The following PHF8 variants were observed in gnomAD, a reference collection of about 807,000 sequenced individuals.
PHF8 encodes the protein histone lysine demethylase PHF8.
In PHF8, 9 loss-of-function variants were observed where a neutral mutation model predicts 74.4. The observed-to-expected ratio is 0.12, with a 90% CI of 0.07 to 0.21. The LOEUF (loss-of-function observed/expected upper bound fraction) is 0.21, where lower values mean the gene tolerates loss of function less well. PHF8 is among the 10% of genes least tolerant of loss of function. PHF8 has a pLI of 1.00. For missense variants in PHF8, 478 were observed against 816.6 expected (o/e 0.59, Z 5.05); for synonymous variants, 311 against 316.6 (o/e 0.98, Z 0.19).
At chrX:53,955,557 C>CTTTTTTTTTTTTT (rs369969712) in intron 19 of PHF8, among the ~76,000 whole-genome samples, 9 of 72,966 alleles carry the variant, frequency 1.2e-4, no homozygotes, top group Non-Finnish European at 1.5e-4. Context: ...CTCTTCTTTT[C>CTTTTTTTTTTTTT]TTTTTTTTTT....
At chrX:53,977,340 CAAAGA>C (rs782630815) in intron 18 of PHF8, among the ~76,000 whole-genome samples, 2,085 of 111,748 alleles carry the variant, frequency 0.019, 54 homozygotes, top group African/African-American at 0.065. Context: ...CTCAAAAAAA[CAAAGA>C]AAAGAAAACA....
intron 14 of PHF8, among the ~76,000 whole-genome samples, chrX:53,991,246 GTAAA>G (rs2065655454): frequency 8.9e-6 from 1 of 112,198 alleles, no homozygotes. Context: ...TTAAAGAAAA[GTAAA>G]TAAATATTTA....
In PHF8 at chrX:53,973,203, G is replaced by A. The variant is rs782545424; in HGVS notation, c.2444-10264C>T. 1.5e-4 allele frequency among the ~76,000 whole-genome samples: 17 copies of A among 112,029 alleles called. No homozygotes were observed. In the South Asian group the frequency reaches 2.2e-3, roughly 15 times the overall value. The stretch of plus-strand genomic sequence containing the variant: ...CTCCTGGACAGAAAGAATCAATATC[G>A]TGAAAATGGCCATGCTGCCCAAAGT... On this transcript the variant is annotated intron_variant, in intron 18 of 21. Transcript: ENST00000338154.
chrX:53,967,157 G>A (rs1179076161), intron 18 of PHF8, among the ~76,000 whole-genome samples: 4 of 100,790 alleles, frequency 4.0e-5, no homozygotes, highest in Admixed American at 1.1e-4. Flanking sequence ...TCAGCCCCCC[G>A]CCCGGCCAGC....
rs2065706037 is a variant in PHF8 at position 53,993,797 on chromosome X, A to T, written c.1430T>A (p.Val477Glu). The T allele has an allele frequency of 8.3e-7, 1 of 1,208,238 alleles. No homozygotes were observed. The highest frequency in any genetic ancestry group is 1.7e-5 in the African/African-American group (1 of 57,363). The part of the protein sequence containing the change: ...PLTRPAHSTS[V>E]SMSRLSLPSK... The stretch of plus-strand genomic sequence containing the variant: ...GGGCAGTGACAGCCTGGACATGGAC[A>T]CTGAAGTGGAATGGGCTGGCCTGGT... Residue 477 changes from valine (V) to glutamate (E), a missense_variant, in exon 13 of 22, where the codon GTG (valine) becomes GAG (glutamate). Transcript: ENST00000338154.
intron 20 of PHF8, among the ~76,000 whole-genome samples, chrX:53,942,336 TA>T (rs1569523659): frequency 8.9e-6 from 1 of 112,339 alleles, no homozygotes; most frequent in Admixed American, 9.5e-5. Flanking sequence ...CATTTAATCC[TA>T]AAATGAAGTC....
chrX:53,962,747 G>A (rs2065124012), intron 19 of PHF8, 97 bp downstream of exon 19: 16 of 564,227 alleles, frequency 2.8e-5, no homozygotes, highest in Admixed American at 2.3e-4. Context: ...ACAAATGAGT[G>A]ACTGAATCAG....
rs2064711986 is a variant in PHF8, at chrX:53,939,215, T to C, written c.3018A>G (p.Ala1006=). ...TCAGGATACGGCCGAGTCTCTGCTT[T>C]GCTGTGGCCAGGCCCTTTTTGGGAC... ...GKRPKKGLAT[A]KQRLGRILKI... Residue 1006 remains alanine (A), a synonymous_variant, in exon 22 of 22, where the codon GCA becomes GCG. Transcript: ENST00000338154. The C allele has an allele frequency of 8.3e-7, 1 of 1,208,018 alleles. No homozygotes were observed. The highest frequency in any genetic ancestry group is 1.8e-5 in the South Asian group (1 of 56,526).
At chrX:54,003,528 G>A (rs1006112059) in intron 8 of PHF8, among the ~76,000 whole-genome samples, 1 of 111,002 alleles carries the variant, frequency 9.0e-6, no homozygotes, top group African/African-American at 3.3e-5. Flanking sequence ...ATGGTGGCAG[G>A]CACCTGTAAT....
At position 53,938,244 on chromosome X, in the gene PHF8, G is replaced by A. The variant is rs1183421594; in HGVS notation, c.*914C>T. On this transcript the variant is annotated 3_prime_UTR_variant, in exon 22 of 22. Coordinates refer to ENST00000338154, the MANE Select transcript of PHF8 (RefSeq NM_015107.3). ...ATAGGCGGAGCAAGCAGGCTGTAGG[G>A]CCAGGGTTATCTGCGTCATTGGCAG... The A allele has an allele frequency of 3.9e-6, 4 of 1,036,023 alleles. No homozygotes were observed. The highest frequency in any genetic ancestry group is 4.1e-5 in the Admixed American group (1 of 24,180). The allele number at this position is 1,036,023 out of a possible 1,213,427, so 85.4% of individuals were successfully genotyped here. A position where few individuals can be genotyped will look rare whatever the true frequency, so the allele number is the denominator to read the frequency against.
rs1426477698 is a variant in PHF8 at position 53,987,064 on chromosome X, G to A, written c.1995+14C>T. ...CAGAATGAGCAGAAGACTAGATCCA[G>A]GGCAGAATCCTACCTCAATGTCAAA... On this transcript the variant is annotated intron_variant, in intron 16 of 21. Coordinates refer to ENST00000338154, the MANE Select transcript of PHF8 (RefSeq NM_015107.3). 5 of 1,090,146 alleles carry A rather than the reference G, an allele frequency of 4.6e-6. No homozygotes were observed. The highest frequency in any genetic ancestry group is 1.8e-5 in the African/African-American group (1 of 54,951). The allele number at this position is 1,090,146 out of a possible 1,213,427, so 89.8% of individuals were successfully genotyped here.
intron 2 of PHF8, among the ~76,000 whole-genome samples, chrX:54,029,747 T>G (rs1557112174): frequency 8.9e-6 from 1 of 111,828 alleles, no homozygotes; most frequent in East Asian, 2.8e-4. Context: ...CAAGAACCTG[T>G]TCGGGGAGGT....
At chrX:53,980,504 G>A (rs1162004442) in intron 18 of PHF8, among the ~76,000 whole-genome samples, 2 of 111,484 alleles carry the variant, frequency 1.8e-5, no homozygotes, top group African/African-American at 3.3e-5. Context: ...TCAACTTTCA[G>A]CTGCCAAAAG....
At chrX:54,022,519 T>A in intron 3 of PHF8, 152 bp from the exon 4 acceptor site, 1 of 519,422 alleles carries the variant, frequency 1.9e-6, no homozygotes, top group South Asian at 2.7e-5. Flanking sequence ...GGAAAGTTCC[T>A]GGTGAAGATG....
chrX:53,939,328 TC>T (rs2064714278), intron 21 of PHF8, 82 bp from the exon 22 acceptor site: 1 of 768,681 alleles, frequency 1.3e-6, no homozygotes, highest in Non-Finnish European at 1.9e-6. Context: ...TCAGGCCACC[TC>T]CCCTTCCTGT....
chrX:53,965,425 G>A (rs952336696), intron 18 of PHF8, among the ~76,000 whole-genome samples: 1 of 113,079 alleles, frequency 8.8e-6, no homozygotes, highest in Non-Finnish European at 1.9e-5. Context: ...GATCACTTGA[G>A]GTCAGGAGTT....
In PHF8 at chrX:53,938,347, T is replaced by C; in HGVS notation, c.*811A>G. 1 of 944,120 alleles carries C rather than the reference T, an allele frequency of 1.1e-6. No individual in the cohort carries two copies. The highest frequency in any genetic ancestry group is 1.3e-6 in the Non-Finnish European group (1 of 756,267). The allele number at this position is 944,120 out of a possible 1,213,427, so 77.8% of individuals were successfully genotyped here. Reference sequence around the variant, plus strand: ...GCCACAGCCACAGCCACGTGGATAATGTTCTACATGATTTCAAAATCCAGG... The same window carrying C: ...GCCACAGCCACAGCCACGTGGATAACGTTCTACATGATTTCAAAATCCAGG... On this transcript the variant is annotated 3_prime_UTR_variant, in exon 22 of 22. Transcript: ENST00000338154.
intron 19 of PHF8, among the ~76,000 whole-genome samples, chrX:53,962,192 A>T (rs1320388279): frequency 2.7e-5 from 3 of 111,765 alleles, no homozygotes; most frequent in Non-Finnish European, 3.8e-5. Context: ...AGCCCCAGGG[A>T]ATCTGGCCTA....
chrX:54,026,074 C>T (rs1236072222), intron 2 of PHF8, among the ~76,000 whole-genome samples: 2 of 111,688 alleles, frequency 1.8e-5, no homozygotes, highest in Admixed American at 9.6e-5. Flanking sequence ...TTTGGATTGG[C>T]CAGGCACGGT....
Sources: gnomAD v4.1 joint callset for allele counts (sites outside exome capture counted in the v4.1 genomes callset) on GRCh38, gnomAD v4.1.1 for gene constraint, MANE v1.5 for transcripts, NCBI Gene and HGNC (gene_info 2026-07-23, HGNC 2026-07-21) for gene names.